LACTB: variants seen among roughly 807,000 people sequenced by gnomAD.
LACTB encodes lactamase beta, also known as serine beta-lactamase-like protein LACTB, mitochondrial.
A neutral mutation model predicts 50.2 loss-of-function variants in LACTB; 35 were observed. That is an observed-to-expected ratio of 0.70 (90% confidence interval 0.53 to 0.92). The LOEUF is 0.92. Ranked by LOEUF, LACTB falls within the 40% of genes least tolerant of loss-of-function variation. The pLI, the probability that LACTB is intolerant of heterozygous loss-of-function variation, is 0.00. For missense variants in LACTB, 664 were observed against 691.8 expected (o/e 0.96, Z 0.45); for synonymous variants, 252 against 268.2 (o/e 0.94, Z 0.59).
In LACTB at chr15:63,127,523, T is replaced by C. The variant is rs747062507; in HGVS notation, c.786T>C (p.Phe262=). The C allele has an allele frequency of 1.9e-6, 3 of 1,613,500 alleles. No individual in the cohort carries two copies. In the African/African-American group the frequency reaches 4.0e-5, roughly 22 times the overall value. ...KEGKSNEKND[F]TKFKTEQENE... ...GCAAAAGTAATGAAAAGAATGATTT[T>C]ACTAAATTTAAAACAGAGCAGGAGA... The change falls in exon 4 of 6, where the codon TTT becomes TTC. Residue 262 remains phenylalanine (F), a synonymous_variant. Coordinates refer to ENST00000261893, the MANE Select transcript of LACTB (RefSeq NM_032857.5).
chr15:63,130,800 A>G (rs927917483), intron 5 of LACTB: 2 of 152,154 alleles, frequency 1.3e-5, no homozygotes, highest in Non-Finnish European at 2.9e-5. Flanking sequence ...TAAAGTTACT[A>G]TTTTTACTTT....
In LACTB at chr15:63,121,954, A is replaced by G; in HGVS notation, c.83A>G (p.His28Arg). The G allele has an allele frequency of 7.2e-7, 1 of 1,394,376 alleles. No homozygotes were observed. Among genetic ancestry groups the G allele is most frequent in the Non-Finnish European group, 9.2e-7 (1 of 1,082,946 alleles). 86.4% of individuals were successfully genotyped at this position (1,394,376 alleles called of 1,614,324 possible). A position where few individuals can be genotyped will look rare whatever the true frequency, so the allele number is the denominator to read the frequency against. ...TCAAGCTGCGGACGACGCGGGGTCC[A>G]TCAGCGCGCCGGGCTGCCGCCTCTC... The part of the protein sequence containing the change: ...LASSCGRRGV[H>R]QRAGLPPLGH... The change falls in exon 1 of 6, where the codon CAT (histidine) becomes CGT (arginine). Residue 28 changes from histidine (H) to arginine (R), a missense_variant. By Grantham distance (29) the His-to-Arg change is conservative. Coordinates refer to ENST00000261893, the MANE Select transcript of LACTB (RefSeq NM_032857.5).
intron 5 of LACTB, among the ~76,000 whole-genome samples, chr15:63,139,142 A>C (rs2037202570): frequency 6.8e-6 from 1 of 146,844 alleles, no homozygotes; most frequent in African/African-American, 2.5e-5. Context: ...TGAGTTCGGG[A>C]GTTCAAAACC....
At chr15:63,122,912 TA>T (rs2036996133) in intron 2 of LACTB, among the ~76,000 whole-genome samples, 1 of 152,238 alleles carries the variant, frequency 6.6e-6, no homozygotes, top group Non-Finnish European at 1.5e-5. Context: ...TGAGGATGGC[TA>T]CCCACTCCCA....
chr15:63,129,890 C>A, intron 5 of LACTB: 1 of 345,940 alleles, frequency 2.9e-6, no homozygotes, highest in Non-Finnish European at 4.8e-6. Flanking sequence ...ATAACTAAAC[C>A]AAAATTGCAC....
chr15:63,129,299 T>TAAAA lies in LACTB; in HGVS notation c.953-186_953-185insAAAA, dbSNP rs2037097384. The stretch of plus-strand genomic sequence containing the variant: ...ATAATTTTATTCTTGTGTTAAGGAC[T>TAAAA]TGGAATAAGGACAGTTGCAAAGTTA... On this transcript the variant is annotated intron_variant, in intron 4 of 5. Coordinates refer to ENST00000261893, the MANE Select transcript of LACTB (RefSeq NM_032857.5). The TAAAA allele has an allele frequency of 1.4e-5, 6 of 436,462 alleles. No homozygotes were observed. In the Admixed American group the frequency reaches 2.1e-4, roughly 15 times the overall value. 27.0% of individuals were successfully genotyped at this position (436,462 alleles called of 1,614,324 possible).
intron 5 of LACTB, among the ~76,000 whole-genome samples, chr15:63,139,268 A>C (rs2037205534): frequency 1.3e-5 from 2 of 151,850 alleles, no homozygotes; most frequent in Non-Finnish European, 2.9e-5. Context: ...GGGGAGGCTG[A>C]GGCAGGAGAA....
At chr15:63,126,530 A>G (rs967444496) in intron 2 of LACTB, among the ~76,000 whole-genome samples, 1 of 152,226 alleles carries the variant, frequency 6.6e-6, no homozygotes, top group African/African-American at 2.4e-5. Flanking sequence ...AAGAAGAATA[A>G]TGATGTTTTC....
chr15:63,123,976 T>C (rs1046942171), intron 2 of LACTB, among the ~76,000 whole-genome samples: 1 of 152,180 alleles, frequency 6.6e-6, no homozygotes, highest in African/African-American at 2.4e-5. Flanking sequence ...GAGCAGAGTC[T>C]TCTCTAAACT....
chr15:63,127,163 A>G lies in LACTB; in HGVS notation c.615+114A>G, dbSNP rs979478404. The G allele has an allele frequency of 1.5e-5, 15 of 985,020 alleles. No homozygotes were observed. The East Asian group carries it at 2.4e-4, about 16-fold the overall frequency. 61.0% of individuals were successfully genotyped at this position (985,020 alleles called of 1,614,324 possible). A position where few individuals can be genotyped will look rare whatever the true frequency, so the allele number is the denominator to read the frequency against. Reference sequence around the variant, plus strand: ...GCTTGTTTTTAGTTATTGTTAATGTATTAGTTTTTCTTAATCCAGATGATA... The same window carrying G: ...GCTTGTTTTTAGTTATTGTTAATGTGTTAGTTTTTCTTAATCCAGATGATA... On this transcript the variant is annotated intron_variant, in intron 3 of 5. Transcript: ENST00000261893.
At chr15:63,139,934 CAAAAAAAAA>C (rs56336727) in intron 5 of LACTB, among the ~76,000 whole-genome samples, 41 of 141,478 alleles carry the variant, frequency 2.9e-4, no homozygotes, top group East Asian at 1.2e-3. Flanking sequence ...TCATCTCTAC[CAAAAAAAAA>C]AAAAAAAAAA....
At chr15:63,125,638 G>A (rs952328004) in intron 2 of LACTB, among the ~76,000 whole-genome samples, 1 of 151,808 alleles carries the variant, frequency 6.6e-6, no homozygotes, top group African/African-American at 2.4e-5. Flanking sequence ...TATAGTCATT[G>A]TATTCCTTTT....
At position 63,129,254 on chromosome 15, in the gene LACTB, A is replaced by T. The variant is rs1374384546; in HGVS notation, c.953-231A>T. ...TCAGAGAAAGGAGCAGATTTATGTG[A>T]AATGTTAAGTATGCTGATCATAATT... On this transcript the variant is annotated intron_variant, in intron 4 of 5. Transcript: ENST00000261893. The T allele has an allele frequency of 1.8e-5, 5 of 283,386 alleles. No homozygotes were observed. The South Asian group carries it at 7.0e-4, about 40-fold the overall frequency. The allele number at this position is 283,386 out of a possible 1,614,324, so 17.6% of individuals were successfully genotyped here.
chr15:63,125,277 C>G (rs906139855), intron 2 of LACTB, among the ~76,000 whole-genome samples: 1 of 151,842 alleles, frequency 6.6e-6, no homozygotes, highest in Non-Finnish European at 1.5e-5. Context: ...AAGTGATTCT[C>G]CTGCCTCGTC....
chr15:63,131,692 C>A (rs1044304942), intron 5 of LACTB, among the ~76,000 whole-genome samples: 1 of 152,128 alleles, frequency 6.6e-6, no homozygotes, highest in Non-Finnish European at 1.5e-5. Flanking sequence ...CACCTGTAAT[C>A]CCAGCACTTT....
In LACTB at chr15:63,141,695, G is replaced by T. The variant is rs1040866866; in HGVS notation, c.1534G>T (p.Val512Phe). The T allele has an allele frequency of 5.6e-6, 9 of 1,613,986 alleles. No individual in the cohort carries two copies. The highest frequency in any genetic ancestry group is 1.6e-4 in the Middle Eastern group (1 of 6,084). The change falls in exon 6 of 6, where the codon GTT (valine) becomes TTT (phenylalanine). Residue 512 changes from valine to phenylalanine, a missense_variant. Coordinates refer to ENST00000261893, the MANE Select transcript of LACTB (RefSeq NM_032857.5). ...ELDTETINNK[V>F]PPRGIIVSII... ...GGATACAGAGACTATAAATAACAAGGTTCCCCCAAGAGGAATCATTGTTTC... is the reference window on the plus strand; with the variant it reads ...GGATACAGAGACTATAAATAACAAGTTTCCCCCAAGAGGAATCATTGTTTC...
In LACTB at chr15:63,141,044, T is replaced by C. The variant is rs976655715; in HGVS notation, c.1119-236T>C. On this transcript the variant is annotated intron_variant, in intron 5 of 5. Transcript: ENST00000261893. ...ACTCAGCATGGACAAGCCATACCAA[T>C]AGAAAAAAACCACTTTCTATGCTTT... The C allele has an allele frequency of 9.1e-6, 9 of 984,970 alleles. No individual in the cohort carries two copies. The African/African-American group carries it at 1.0e-4, about 11-fold the overall frequency. 61.0% of individuals were successfully genotyped at this position (984,970 alleles called of 1,614,324 possible).
At chr15:63,141,157 G>T (rs2037224582) in intron 5 of LACTB, 123 bp from the exon 6 acceptor site, 3 of 1,440,936 alleles carry the variant, frequency 2.1e-6, no homozygotes, top group Non-Finnish European at 2.7e-6. Context: ...TTAGTTTATA[G>T]TTTCTGAGAA....
intron 5 of LACTB, among the ~76,000 whole-genome samples, chr15:63,135,844 T>C (rs1165898411): frequency 2.0e-5 from 3 of 152,186 alleles, no homozygotes; most frequent in Non-Finnish European, 4.4e-5. Flanking sequence ...AAAATGGACG[T>C]CTAGCTCTGT....
Sources: allele counts gnomAD v4.1 joint callset (sites outside exome capture counted in the v4.1 genomes callset), GRCh38; gene constraint gnomAD v4.1.1; transcripts MANE v1.5; gene names NCBI Gene and HGNC (gene_info 2026-07-23, HGNC 2026-07-21).